Variants in EML6 observed in about 807,000 individuals in gnomAD.
EML6 encodes echinoderm microtubule-associated protein-like 6.
A neutral mutation model predicts 240.1 loss-of-function variants in EML6; 154 were observed. That is an observed-to-expected ratio of 0.64 (90% CI 0.56 to 0.73). EML6 has a LOEUF of 0.73. Among genes scored for constraint, EML6 ranks in the 30% least tolerant of loss-of-function variants. The pLI, the probability that EML6 is intolerant of heterozygous loss-of-function variation, is 0.00. For missense variants in EML6, 2,964 were observed against 2,474.6 expected, an observed-to-expected ratio of 1.20 and a Z score of -4.20; for synonymous variants, 1,148 against 899.0, an observed-to-expected ratio of 1.28 and a Z score of -4.95.
At chr2:54,950,266 A>G (rs1341464216) in intron 29 of EML6, among the ~76,000 whole-genome samples, 1 of 152,202 alleles carries the variant, frequency 6.6e-6, no homozygotes, top group African/African-American at 2.4e-5. Flanking sequence ...ATGAGAGTTT[A>G]TTAGAGCAAA....
chr2:54,792,097 A>G (rs59245073), intron 2 of EML6, among the ~76,000 whole-genome samples: 1 of 152,276 alleles, frequency 6.6e-6, no homozygotes, highest in East Asian at 1.9e-4. Flanking sequence ...CAGAAATGTG[A>G]TTTGTAGAAG....
In EML6 at chr2:54,886,322, C is replaced by T. The variant is rs564912177; in HGVS notation, c.2439-4732C>T. ...CTGGGATTACAGGTGCCTGCCACCA[C>T]GCCTGGCTAATTTTTTGTATTTTTA... On this transcript the variant is annotated intron_variant, in intron 17 of 41. Coordinates refer to ENST00000356458, the MANE Select transcript of EML6 (RefSeq NM_001039753.4). Among the ~76,000 whole-genome samples the T allele has an allele frequency of 1.3e-4, 20 of 151,858 alleles. No homozygotes were observed. In the East Asian group the frequency reaches 2.1e-3, roughly 16 times the overall value.
intron 7 of EML6, among the ~76,000 whole-genome samples, chr2:54,831,030 A>C (rs751355262): frequency 2.0e-5 from 3 of 152,212 alleles, no homozygotes; most frequent in Non-Finnish European, 2.9e-5. Context: ...CGGAAAAAAC[A>C]TGCCAAACAG....
In EML6 at chr2:54,817,009, T is replaced by TTTC. The variant is rs1244078567; in HGVS notation, c.456+124_456+125insTTC. On this transcript the variant is annotated intron_variant, in intron 4 of 41. Transcript: ENST00000356458. ...AGTATACATTTTTTCCTATTAAACT[T>TTTC]ATAATCATCCTCTTTTTTCATGATT... The TTTC allele has an allele frequency of 8.0e-6, 5 of 622,836 alleles. No homozygotes were observed. In the African/African-American group the frequency reaches 9.2e-5, roughly 11 times the overall value. 38.6% of individuals were successfully genotyped at this position (622,836 alleles called of 1,614,324 possible). A position where few individuals can be genotyped will look rare whatever the true frequency, so the allele number is the denominator to read the frequency against.
chr2:54,933,599 T>C (rs1674975919), intron 28 of EML6, among the ~76,000 whole-genome samples: 2 of 152,046 alleles, frequency 1.3e-5, no homozygotes, highest in African/African-American at 2.4e-5. Context: ...CCTGGTATGG[T>C]GGCACACGCC....
At chr2:54,937,428 G>A (rs1462486008) in intron 28 of EML6, among the ~76,000 whole-genome samples, 1 of 151,596 alleles carries the variant, frequency 6.6e-6, no homozygotes, top group African/African-American at 2.4e-5. Context: ...AAAGCCTGAT[G>A]TGGTGGTTTA....
intron 21 of EML6, among the ~76,000 whole-genome samples, chr2:54,898,374 C>CT (rs1467552632): frequency 6.6e-6 from 1 of 152,074 alleles, no homozygotes; most frequent in Non-Finnish European, 1.5e-5. Context: ...GGGGCTCAGT[C>CT]TATAGAAGAG....
chr2:54,905,288 A>G (rs1673263187), intron 24 of EML6, among the ~76,000 whole-genome samples: 1 of 147,410 alleles, frequency 6.8e-6, no homozygotes. Context: ...CTTGCCAGGT[A>G]GAATAGGGTC....
chr2:54,908,984 T>C (rs757386019), intron 24 of EML6, among the ~76,000 whole-genome samples: 1 of 152,194 alleles, frequency 6.6e-6, no homozygotes, highest in Non-Finnish European at 1.5e-5. Context: ...GTCTATGTGT[T>C]TAGATTCTCG....
intron 2 of EML6, among the ~76,000 whole-genome samples, chr2:54,805,925 A>G (rs1488623863): frequency 6.6e-6 from 1 of 152,182 alleles, no homozygotes; most frequent in African/African-American, 2.4e-5. Flanking sequence ...CTGATGAGTT[A>G]TCTTAACACT....
intron 2 of EML6, among the ~76,000 whole-genome samples, chr2:54,735,671 A>T (rs1413472865): frequency 6.6e-6 from 1 of 152,252 alleles, no homozygotes; most frequent in Non-Finnish European, 1.5e-5. Context: ...TGAATGAGAC[A>T]TTCCTTTTGA....
At chr2:54,966,967 C>G in intron 38 of EML6, 33 bp from the exon 39 acceptor site, 7 of 1,408,002 alleles carry the variant, frequency 5.0e-6, no homozygotes, top group Non-Finnish European at 6.9e-6. Flanking sequence ...TGAGAAAGAA[C>G]GTTGATGAAC....
In EML6 at chr2:54,870,557, G is replaced by A. The variant is rs1231042471; in HGVS notation, c.2239-943G>A. On this transcript the variant is annotated intron_variant, in intron 15 of 41. Coordinates refer to ENST00000356458, the MANE Select transcript of EML6 (RefSeq NM_001039753.4). ...TTAGAGACCTACTGTGTTAGCTGAT[G>A]TTATAAGGTTTTACAAGTAATTGAT... 2.0e-5 allele frequency among the ~76,000 whole-genome samples: 3 copies of A among 152,332 alleles called. No individual in the cohort carries two copies. In the East Asian group the frequency reaches 5.8e-4, roughly 29 times the overall value.
At chr2:54,925,421 A>G (rs943256198) in intron 26 of EML6, among the ~76,000 whole-genome samples, 10 of 152,166 alleles carry the variant, frequency 6.6e-5, no homozygotes, top group African/African-American at 1.9e-4. Context: ...ATTGAGTTCT[A>G]TGTCATCAGT....
chr2:54,870,446 T>C (rs1176541524), intron 15 of EML6, among the ~76,000 whole-genome samples: 1 of 152,130 alleles, frequency 6.6e-6, no homozygotes, highest in East Asian at 1.9e-4. Flanking sequence ...AGCTTTTAAA[T>C]TGTTTTTTAA....
At position 54,960,213 on chromosome 2, in the gene EML6, T is replaced by G. The variant is rs756598048; in HGVS notation, c.4854-7T>G. The G allele has an allele frequency of 1.2e-5, 19 of 1,548,224 alleles. No homozygotes were observed. The highest frequency in any genetic ancestry group is 1.7e-5 in the Non-Finnish European group (19 of 1,144,030). ...TAACAGCCTGAGTCCCTTTCAATCT[T>G]TTTTAGGACCAAAGAAGGAGGTGCT... On this transcript the variant is annotated splice_region_variant and splice_polypyrimidine_tract_variant and intron_variant, in intron 34 of 41. Transcript: ENST00000356458.
chr2:54,960,182 G>A, intron 34 of EML6, 38 bp from the exon 35 acceptor site: 1 of 1,433,666 alleles, frequency 7.0e-7, no homozygotes, highest in Non-Finnish European at 9.6e-7. Flanking sequence ...GTCTTAGGAT[G>A]AGGGTTAACA....
chr2:54,882,451 G>A (rs1423495904), intron 17 of EML6: 2 of 152,008 alleles, frequency 1.3e-5, no homozygotes, highest in East Asian at 1.9e-4. Flanking sequence ...ATTTGTGCTT[G>A]TGTTACTCTG....
rs1032742839 is a variant in EML6 at position 54,968,721 on chromosome 2, C to T, written c.5805C>T (p.Phe1935=). ...GHSAHVTNIR[F]SYDDKYVVST... Reference sequence around the variant, plus strand: ...CGGCTCACGTGACGAACATCCGTTTCTCTTATGATGACAAGTATGTGGTCA... The same window carrying T: ...CGGCTCACGTGACGAACATCCGTTTTTCTTATGATGACAAGTATGTGGTCA... Residue 1935 remains phenylalanine, a synonymous_variant, in exon 41 of 42, where the codon TTC becomes TTT. Transcript: ENST00000356458. 6 of 1,551,402 alleles carry T rather than the reference C, an allele frequency of 3.9e-6. No homozygotes were observed. Among genetic ancestry groups the T allele is most frequent in the Non-Finnish European group, 5.2e-6 (6 of 1,146,626 alleles).
Sources: allele counts gnomAD v4.1 joint callset (sites outside exome capture counted in the v4.1 genomes callset), GRCh38; gene constraint gnomAD v4.1.1; transcripts MANE v1.5; gene names NCBI Gene and HGNC (gene_info 2026-07-23, HGNC 2026-07-21).